PTH2R: variants seen among roughly 807,000 people sequenced by gnomAD.
PTH2R encodes the protein PTH2 receptor.
PTH2R carries 59 observed loss-of-function variants against 60.3 expected under a neutral mutation model. The observed-to-expected ratio is 0.98, with a 90% CI of 0.79 to 1.22. PTH2R has a LOEUF of 1.22. Ranked by LOEUF, PTH2R falls within the 50% of genes most tolerant of loss-of-function variation. PTH2R has a pLI of 0.00. For missense variants in PTH2R, 749 were observed against 682.6 expected (o/e 1.10, Z -1.08); for synonymous variants, 256 against 243.8 (o/e 1.05, Z -0.47).
chr2:208,403,567 C>T (rs1701348273), upstream of PTH2R, among the ~76,000 whole-genome samples: 1 of 152,196 alleles, frequency 6.6e-6, no homozygotes, highest in South Asian at 2.1e-4. Flanking sequence ...CTAGATTTCA[C>T]ACTGCAAGCA....
At chr2:208,413,875 C>A (rs1458299087) in intron 1 of PTH2R, among the ~76,000 whole-genome samples, 1 of 152,164 alleles carries the variant, frequency 6.6e-6, no homozygotes, top group Admixed American at 6.5e-5. Context: ...TTTAAGGGTT[C>A]AGGGTGGGAG....
chr2:208,418,448 A>C (rs1171437173), intron 1 of PTH2R, among the ~76,000 whole-genome samples: 6 of 152,078 alleles, frequency 3.9e-5, no homozygotes, highest in African/African-American at 1.4e-4. Context: ...ATAGCAAACC[A>C]ACTCCAACAA....
chr2:208,452,640 G>T (rs573774050), intron 8 of PTH2R, among the ~76,000 whole-genome samples: 1 of 152,106 alleles, frequency 6.6e-6, no homozygotes, highest in African/African-American at 2.4e-5. Flanking sequence ...CAGTGATAAC[G>T]ACAGCAAATT....
intron 8 of PTH2R, 78 bp from the exon 9 acceptor site, chr2:208,459,817 G>T: frequency 8.0e-7 from 1 of 1,254,124 alleles, no homozygotes; most frequent in Admixed American, 2.0e-5. Context: ...GGAGTTTTTG[G>T]TAAAACTTAA....
intron 1 of PTH2R, among the ~76,000 whole-genome samples, chr2:208,389,358 A>G (rs1481151808): frequency 4.6e-5 from 7 of 151,762 alleles, no homozygotes. Flanking sequence ...TTTCCTTCTT[A>G]TTAGTCTTAG....
chr2:208,492,282 C>T lies in PTH2R; in HGVS notation c.1258-982C>T, dbSNP rs531497530. Among the ~76,000 whole-genome samples the T allele has an allele frequency of 2.0e-4, 31 of 152,312 alleles. No homozygotes were observed. In the East Asian group the frequency reaches 4.2e-3, roughly 21 times the overall value. ...TACATTTCAAATTGAGTACCTTCTA[C>T]GCCATTCCTCAGCCTCAGCTGGTGC... On this transcript the variant is annotated intron_variant, in intron 12 of 12. Coordinates refer to ENST00000272847, the MANE Select transcript of PTH2R (RefSeq NM_005048.4).
intron 4 of PTH2R, among the ~76,000 whole-genome samples, chr2:208,442,072 T>C (rs904163842): frequency 1.1e-4 from 17 of 152,192 alleles, no homozygotes; most frequent in African/African-American, 3.6e-4. Context: ...TCAAGAGGTA[T>C]ATGAAGTATG....
At chr2:208,404,429 A>C (rs935137346), upstream of PTH2R, among the ~76,000 whole-genome samples, 4 of 152,152 alleles carry the variant, frequency 2.6e-5, no homozygotes, top group African/African-American at 9.7e-5. Context: ...TTTTCCCTTA[A>C]GCTACAAATT....
intron 10 of PTH2R, among the ~76,000 whole-genome samples, chr2:208,481,726 A>G (rs937388165): frequency 2.0e-5 from 3 of 152,224 alleles, no homozygotes; most frequent in Non-Finnish European, 4.4e-5. Context: ...TCAACTATAT[A>G]TGAACTCCCA....
chr2:208,467,802 A>G (rs187637511), intron 9 of PTH2R, among the ~76,000 whole-genome samples: 68 of 152,286 alleles, frequency 4.5e-4, no homozygotes, highest in Non-Finnish European at 7.4e-4. Context: ...TGCGAAAGAC[A>G]TTCCTGGGCC....
chr2:208,493,443 C>G lies in PTH2R; in HGVS notation c.1437C>G (p.Ala479=). Residue 479 remains alanine, a synonymous_variant, in exon 13 of 13, where the codon GCC becomes GCG. Transcript: ENST00000272847. The stretch of plus-strand genomic sequence containing the variant: ...TGGTGCTTATCTCTGGCAAAGCTGC[C>G]AAGATCGCCAGCAGACAGCCTGACA... The part of the protein sequence containing the change: ...TRMVLISGKA[A]KIASRQPDSH... The G allele has an allele frequency of 6.2e-7, 1 of 1,609,970 alleles. No homozygotes were observed. Among genetic ancestry groups the G allele is most frequent in the Non-Finnish European group, 8.5e-7 (1 of 1,177,536 alleles).
chr2:208,382,186 A>C (rs1016543002), intron 1 of PTH2R, among the ~76,000 whole-genome samples: 1 of 152,086 alleles, frequency 6.6e-6, no homozygotes, highest in Non-Finnish European at 1.5e-5. Context: ...AGTATATTAC[A>C]TTGTGTAGAT....
chr2:208,426,785 A>G (rs75282651), intron 1 of PTH2R, among the ~76,000 whole-genome samples: 2,549 of 152,272 alleles, frequency 0.017, 65 homozygotes, highest in African/African-American at 0.059. Context: ...TTCCCCAGCA[A>G]TGTGGAACTG....
chr2:208,476,130 A>G (rs183425209), intron 9 of PTH2R, among the ~76,000 whole-genome samples: 13 of 152,306 alleles, frequency 8.5e-5, no homozygotes, highest in Admixed American at 7.8e-4. Context: ...AAAAAATATT[A>G]TATCTAGTGC....
At chr2:208,360,103 A>G in exon 1 of PTH2R, 1 of 399,418 alleles carries the variant, frequency 2.5e-6, no homozygotes, top group Non-Finnish European at 5.0e-6. Flanking sequence ...TTTAAAAATG[A>G]TTTTTTTCCC....
chr2:208,455,177 A>C (rs1175610893), intron 8 of PTH2R, among the ~76,000 whole-genome samples: 1 of 152,240 alleles, frequency 6.6e-6, no homozygotes, highest in Non-Finnish European at 1.5e-5. Flanking sequence ...CAAATCTCAA[A>C]GAAAACTTGC....
In PTH2R at chr2:208,465,557, C is replaced by T. The variant is rs889142653; in HGVS notation, c.981+5596C>T. On this transcript the variant is annotated intron_variant, in intron 9 of 12. Transcript: ENST00000272847. ...AGCTGATATTACAGGCACGTGCCAC[C>T]ATGCCCAGCTAATTTTTTTTATTTT... Among the ~76,000 whole-genome samples, 69 of 151,764 alleles carry T rather than the reference C, an allele frequency of 4.5e-4. 1 individual carries two copies. Among genetic ancestry groups the T allele is most frequent in the Admixed American group, 4.2e-3 (64 of 15,250 alleles).
intron 1 of PTH2R, among the ~76,000 whole-genome samples, chr2:208,408,434 T>C (rs1269961168): frequency 1.3e-5 from 2 of 152,170 alleles, no homozygotes; most frequent in African/African-American, 2.4e-5. Flanking sequence ...AAAAATGGCA[T>C]CTTATATACA....
chr2:208,403,631 C>T (rs899448047), upstream of PTH2R, among the ~76,000 whole-genome samples: 1 of 152,138 alleles, frequency 6.6e-6, no homozygotes, highest in Admixed American at 6.6e-5. Context: ...TAGCAAGCTA[C>T]CCCCAATCTT....
Sources: allele counts gnomAD v4.1 joint callset (sites outside exome capture counted in the v4.1 genomes callset), GRCh38; gene constraint gnomAD v4.1.1; transcripts MANE v1.5; gene names NCBI Gene and HGNC (gene_info 2026-07-23, HGNC 2026-07-21).